Variants in SLC27A4 observed in about 807,000 individuals in gnomAD.
SLC27A4 encodes the protein long-chain fatty acid transport protein 4.
In SLC27A4, 33 loss-of-function variants were observed where a neutral mutation model predicts 64.4. The observed-to-expected ratio is 0.51, with a 90% CI of 0.39 to 0.68. The LOEUF (loss-of-function observed/expected upper bound fraction) is 0.68. Ranked by LOEUF, SLC27A4 falls within the 30% of genes least tolerant of loss-of-function variation. SLC27A4 has a pLI of 0.00. For synonymous variants in SLC27A4, 377 were observed against 370.0 expected (o/e 1.02, Z -0.22); for missense variants, 824 against 883.5 (o/e 0.93, Z 0.85).
intron 1 of SLC27A4, among the ~76,000 whole-genome samples, chr9:128,341,989 G>A (rs903295419): frequency 4.6e-5 from 7 of 151,924 alleles, no homozygotes; most frequent in African/African-American, 1.7e-4. Context: ...CGCCTGCCTC[G>A]GCCTCCCAAA....
intron 9 of SLC27A4, 64 bp from the exon 10 acceptor site, chr9:128,354,989 C>T (rs1832794719): frequency 2.8e-6 from 4 of 1,442,686 alleles, no homozygotes; most frequent in Non-Finnish European, 2.9e-6. Flanking sequence ...CAGGGTACAC[C>T]TGGTGACAGG....
chr9:128,356,710 G>C (rs976977921), intron 12 of SLC27A4, among the ~76,000 whole-genome samples: 13 of 150,020 alleles, frequency 8.7e-5, no homozygotes, highest in Admixed American at 6.6e-5. Flanking sequence ...AGGAGGCCAA[G>C]GTGGGCGGAT....
At position 128,353,628 on chromosome 9, in the gene SLC27A4, C is replaced by T. The variant is rs1832772059; in HGVS notation, c.1324+87C>T. 1 of 1,364,496 alleles carries T rather than the reference C, an allele frequency of 7.3e-7. No homozygotes were observed. Among genetic ancestry groups the T allele is most frequent in the South Asian group, 1.3e-5 (1 of 77,686 alleles). The allele number at this position is 1,364,496 out of a possible 1,614,324, so 84.5% of individuals were successfully genotyped here. On this transcript the variant is annotated intron_variant, in intron 9 of 12. Transcript: ENST00000300456. The surrounding 1 kb of genome is among the most constrained non-coding windows in gnomAD (Gnocchi z 4.9). ...TGTGGATGGGGAGCCTTGTTCTGAC[C>T]AGTGGCCATCAGTTATCTCTGCTCT...
chr9:128,343,374 C>A, intron 2 of SLC27A4, 81 bp downstream of exon 2: 1 of 1,522,418 alleles, frequency 6.6e-7, no homozygotes, highest in Non-Finnish European at 9.1e-7. Context: ...CAGGCCAGAC[C>A]TCATGTTCTC....
chr9:128,354,813 C>G (rs1044593096), intron 9 of SLC27A4, among the ~76,000 whole-genome samples: 1 of 151,868 alleles, frequency 6.6e-6, no homozygotes, highest in Non-Finnish European at 1.5e-5. Context: ...ATTAGCTGGG[C>G]CTGTTGGCGT....
chr9:128,350,880 C>T (rs1179189771), intron 6 of SLC27A4, among the ~76,000 whole-genome samples: 1 of 152,146 alleles, frequency 6.6e-6, no homozygotes, highest in Non-Finnish European at 1.5e-5. Flanking sequence ...TCACTTGAGG[C>T]CAGGAGTTCG....
chr9:128,347,429 T>G (rs1458527819), intron 3 of SLC27A4, among the ~76,000 whole-genome samples: 1 of 152,012 alleles, frequency 6.6e-6, no homozygotes. Flanking sequence ...GGGAAGTCAT[T>G]AGGATGCTGA....
At chr9:128,360,240 C>A in intron 12 of SLC27A4, 94 bp from the exon 13 acceptor site, 1 of 1,414,336 alleles carries the variant, frequency 7.1e-7, no homozygotes, top group Non-Finnish European at 1.0e-6. Flanking sequence ...GTTTGTCCTC[C>A]AGCCCTGCTC....
In SLC27A4 at chr9:128,355,695, G is replaced by T. The variant is rs774328999; in HGVS notation, c.1673G>T (p.Gly558Val). The T allele has an allele frequency of 1.9e-6, 3 of 1,612,810 alleles. No homozygotes were observed. The highest frequency in any genetic ancestry group is 2.7e-5 in the African/African-American group (2 of 74,942). ...ATGGCTGCTGTGGCCAGCCCCACTG[G>T]CAACTGTGACCTGGAGCGCTTTGCT... ...AGMAAVASPT[G>V]NCDLERFAQV... Residue 558 changes from glycine (G) to valine (V), a missense_variant, in exon 12 of 13, where the codon GGC becomes GTC. Coordinates refer to ENST00000300456, the MANE Select transcript of SLC27A4 (RefSeq NM_005094.4).
Position 128,345,746 on chromosome 9 carries a change from C to T in SLC27A4, c.556+197C>T, listed in dbSNP as rs921586479. ...TTCTCTGAGCCTCAGTTTCCTCATC[C>T]GTCGTTCCTACCTCATACTGTTTTC... is the stretch of plus-strand genomic sequence containing the variant. On this transcript the variant is annotated intron_variant, in intron 3 of 12. Transcript: ENST00000300456. The surrounding 1 kb of genome is among the most constrained non-coding windows in gnomAD (Gnocchi z 4.1). Among the ~76,000 whole-genome samples the T allele has an allele frequency of 6.6e-6, 1 of 152,178 alleles. No homozygotes were observed. Among genetic ancestry groups the T allele is most frequent in the Non-Finnish European group, 1.5e-5 (1 of 68,032 alleles).
In SLC27A4 at chr9:128,353,676, A is replaced by G. The variant is rs536015667; in HGVS notation, c.1324+135A>G. ...TCTTAGGGTTACAAGTTACTCATTT[A>G]TTTGTGTATCCATCCATTCATTCAT... On this transcript the variant is annotated intron_variant, in intron 9 of 12. Coordinates refer to ENST00000300456, the MANE Select transcript of SLC27A4 (RefSeq NM_005094.4). The surrounding 1 kb of genome is among the most constrained non-coding windows in gnomAD (Gnocchi z 4.9). 1.2e-6 allele frequency: 1 copy of G among 827,872 alleles called. No homozygotes were observed. The highest frequency in any genetic ancestry group is 1.9e-6 in the Non-Finnish European group (1 of 532,732). 51.3% of individuals were successfully genotyped at this position (827,872 alleles called of 1,614,324 possible).
At position 128,342,332 on chromosome 9, in the gene SLC27A4, CGATT is replaced by C. The variant is rs761226424; in HGVS notation, c.-6-792_-6-789del. 9.3e-6 allele frequency: 15 copies of C among 1,611,828 alleles called. No homozygotes were observed. The East Asian group carries it at 1.1e-4, about 12-fold the overall frequency. On this transcript the variant is annotated intron_variant, in intron 1 of 12. Transcript: ENST00000300456. ...AAAAATCCACTGCCTTCCAAAGAAA[CGATT>C]GAACAGGAGAAGCAAGCAAGCGAAT...
intron 1 of SLC27A4, 142 bp downstream of exon 1, chr9:128,340,980 A>G: frequency 2.1e-6 from 1 of 480,658 alleles, no homozygotes; most frequent in East Asian, 3.5e-5. Context: ...CTTGCTGTCT[A>G]GGGGCGAGGG....
chr9:128,356,376 G>T (rs1448206513), intron 12 of SLC27A4, among the ~76,000 whole-genome samples: 1 of 152,222 alleles, frequency 6.6e-6, no homozygotes, highest in African/African-American at 2.4e-5. Flanking sequence ...GGCCCCCAAG[G>T]CTGGAGCCAA....
chr9:128,354,045 G>A (rs990435423), intron 9 of SLC27A4, among the ~76,000 whole-genome samples: 12 of 151,714 alleles, frequency 7.9e-5, no homozygotes, highest in African/African-American at 2.4e-5. Flanking sequence ...GCCCGGCCAA[G>A]CAATTCTCTT....
In SLC27A4 at chr9:128,340,747, CG is replaced by C; in HGVS notation, c.-97del. On this transcript the variant is annotated 5_prime_UTR_variant, in exon 1 of 13. Transcript: ENST00000300456. ...AACCCTGCTGAGACCCGGCTCCGTGCGTCCAGGGGCGGCTAATGCCCCTCAC... is the reference window on the plus strand; with the variant it reads ...AACCCTGCTGAGACCCGGCTCCGTGCTCCAGGGGCGGCTAATGCCCCTCAC... 1.5e-6 allele frequency: 1 copy of C among 649,710 alleles called. No individual in the cohort carries two copies. The allele number at this position is 649,710 out of a possible 1,614,324, so 40.2% of individuals were successfully genotyped here. A position where few individuals can be genotyped will look rare whatever the true frequency, so the allele number is the denominator to read the frequency against.
rs368800041 is a variant in SLC27A4 at position 128,345,566 on chromosome 9, C to T, written c.556+17C>T. The T allele has an allele frequency of 1.9e-5, 31 of 1,591,106 alleles. No homozygotes were observed. In the African/African-American group the frequency reaches 2.0e-4, roughly 10 times the overall value. On this transcript the variant is annotated intron_variant, in intron 3 of 12. Coordinates refer to ENST00000300456, the MANE Select transcript of SLC27A4 (RefSeq NM_005094.4). The surrounding 1 kb of genome is among the most constrained non-coding windows in gnomAD (Gnocchi z 4.1). ...TGGCCTCAGGTGAGCCCCAAGGGGGCGGGGGACAAGCAGGAACCCCATGGG... is the reference window on the plus strand; with the variant it reads ...TGGCCTCAGGTGAGCCCCAAGGGGGTGGGGGACAAGCAGGAACCCCATGGG...
intron 3 of SLC27A4, 148 bp from the exon 4 acceptor site, chr9:128,348,397 C>G (rs1313707018): frequency 7.6e-6 from 7 of 919,412 alleles, no homozygotes; most frequent in Admixed American, 3.7e-5. Context: ...GCCGGTGCCC[C>G]TGTCAACACT....
chr9:128,349,719 AC>A (rs1832706338), intron 4 of SLC27A4, among the ~76,000 whole-genome samples: 1 of 152,082 alleles, frequency 6.6e-6, no homozygotes, highest in Non-Finnish European at 1.5e-5. Context: ...CCTCCAGGGA[AC>A]CTCAAGTCTG....
Sources: allele counts gnomAD v4.1 joint callset (sites outside exome capture counted in the v4.1 genomes callset), GRCh38; gene constraint gnomAD v4.1.1; non-coding constraint Gnocchi (gnomAD v3.1); transcripts MANE v1.5; gene names NCBI Gene and HGNC (gene_info 2026-07-23, HGNC 2026-07-21).